RBMS3: variants seen among roughly 807,000 people sequenced by gnomAD.
RBMS3 encodes the protein RNA binding motif single stranded interacting protein 3.
A neutral mutation model predicts 66.8 loss-of-function variants in RBMS3; 27 were observed. That is an observed-to-expected ratio of 0.40 (90% CI 0.30 to 0.56). The LOEUF (loss-of-function observed/expected upper bound fraction) is 0.56. Among genes scored for constraint, RBMS3 ranks in the 20% least tolerant of loss-of-function variants. RBMS3 has a pLI of 0.40. For missense variants in RBMS3, 513 were observed against 549.5 expected, an observed-to-expected ratio of 0.93 and a Z score of 0.66; for synonymous variants, 188 against 183.0, an observed-to-expected ratio of 1.03 and a Z score of -0.22.
At chr3:29,926,661 T>G (rs1344955373) in intron 10 of RBMS3, 1 of 152,186 alleles carries the variant, frequency 6.6e-6, no homozygotes, top group Non-Finnish European at 1.5e-5. Context: ...CTCACAGTCC[T>G]GAGTCCTAGT....
chr3:29,420,952 A>AAAC, intron 1 of RBMS3, among the ~76,000 whole-genome samples: 1 of 140,900 alleles, frequency 7.1e-6, no homozygotes, highest in Non-Finnish European at 1.6e-5. Context: ...AAAATGAAAA[A>AAAC]AAAAAAAAAA....
At chr3:29,572,021 AT>A (rs2046969302) in intron 3 of RBMS3, among the ~76,000 whole-genome samples, 3 of 151,660 alleles carry the variant, frequency 2.0e-5, no homozygotes, top group Non-Finnish European at 4.4e-5. Context: ...TAAGTATTTA[AT>A]TTTATTTTTG....
intron 1 of RBMS3, among the ~76,000 whole-genome samples, chr3:29,432,333 G>A (rs2041239399): frequency 6.6e-6 from 1 of 152,168 alleles, no homozygotes; most frequent in Non-Finnish European, 1.5e-5. Flanking sequence ...TGGCTGGTGT[G>A]GGGAATTGGG....
chr3:29,439,813 G>A (rs781443701), intron 2 of RBMS3, among the ~76,000 whole-genome samples: 1 of 151,890 alleles, frequency 6.6e-6, no homozygotes, highest in Non-Finnish European at 1.5e-5. Flanking sequence ...CAATTAAATG[G>A]CTGTAATATT....
chr3:29,284,151 A>G (rs1335062312), intron 1 of RBMS3, among the ~76,000 whole-genome samples: 5 of 152,060 alleles, frequency 3.3e-5, no homozygotes, highest in Admixed American at 6.6e-5. Flanking sequence ...CATAAAATCC[A>G]CTCTTTGTAG....
At chr3:29,488,536 T>C (rs1559404441) in intron 3 of RBMS3, 37 bp downstream of exon 3, 1 of 1,558,270 alleles carries the variant, frequency 6.4e-7, no homozygotes, top group Non-Finnish European at 8.8e-7. Flanking sequence ...AAATCTTGCC[T>C]ATGCTATCTG....
Position 29,593,520 on chromosome 3 carries a change from G to A in RBMS3, c.399+6315G>A, listed in dbSNP as rs937609507. ...AGAGTTGTTTCCTGAGACTGGGTGGGAAACAATCAATACTTTATATAGTGA... is the reference window on the plus strand; with the variant it reads ...AGAGTTGTTTCCTGAGACTGGGTGGAAAACAATCAATACTTTATATAGTGA... On this transcript the variant is annotated intron_variant, in intron 4 of 14. Transcript: ENST00000383767. Among the ~76,000 whole-genome samples the A allele has an allele frequency of 2.0e-5, 3 of 147,474 alleles. No individual in the cohort carries two copies. In the South Asian group the frequency reaches 6.9e-4, roughly 34 times the overall value.
intron 12 of RBMS3, among the ~76,000 whole-genome samples, chr3:29,975,716 G>A (rs780643799): frequency 8.8e-4 from 134 of 151,698 alleles, no homozygotes; most frequent in Non-Finnish European, 1.4e-3. Context: ...ATGACACTAA[G>A]CACACTATCT....
At chr3:29,367,811 A>G (rs1243423439) in intron 1 of RBMS3, among the ~76,000 whole-genome samples, 3 of 152,182 alleles carry the variant, frequency 2.0e-5, no homozygotes, top group African/African-American at 4.8e-5. Flanking sequence ...TAAGACAGTA[A>G]TGCACTTTCT....
At chr3:29,605,737 T>C (rs909808248) in intron 4 of RBMS3, among the ~76,000 whole-genome samples, 2 of 151,782 alleles carry the variant, frequency 1.3e-5, no homozygotes, top group African/African-American at 4.8e-5. Context: ...GACCCTTTTT[T>C]AATATTCTCC....
intron 3 of RBMS3, among the ~76,000 whole-genome samples, chr3:29,572,516 C>T (rs1251038454): frequency 1.3e-5 from 2 of 152,082 alleles, no homozygotes; most frequent in Non-Finnish European, 2.9e-5. Context: ...CAGCATCAAT[C>T]AAAATGATCA....
intron 4 of RBMS3, among the ~76,000 whole-genome samples, chr3:29,727,673 G>A (rs942606051): frequency 2.0e-5 from 3 of 152,182 alleles, no homozygotes; most frequent in Non-Finnish European, 2.9e-5. Context: ...TCTCATGCCA[G>A]TTAGAATGGC....
chr3:29,432,063 C>T (rs2041228691), intron 1 of RBMS3, among the ~76,000 whole-genome samples: 1 of 152,014 alleles, frequency 6.6e-6, no homozygotes. Flanking sequence ...ACCCTGCCTT[C>T]CCAAAAATAA....
chr3:29,982,379 T>C (rs758519982), intron 12 of RBMS3, among the ~76,000 whole-genome samples: 2 of 152,312 alleles, frequency 1.3e-5, no homozygotes, highest in South Asian at 2.1e-4. Flanking sequence ...CCTGGATTCA[T>C]TGATTTTTTG....
chr3:29,932,990 G>A (rs1436240502), intron 10 of RBMS3, among the ~76,000 whole-genome samples: 1 of 152,138 alleles, frequency 6.6e-6, no homozygotes, highest in Non-Finnish European at 1.5e-5. Context: ...GTATTTTTTA[G>A]TGGAATTATA....
At chr3:29,341,837 A>G (rs1435495732) in intron 1 of RBMS3, among the ~76,000 whole-genome samples, 1 of 152,226 alleles carries the variant, frequency 6.6e-6, no homozygotes, top group African/African-American at 2.4e-5. Context: ...AACAAGGAAG[A>G]CAAACTAAAG....
At chr3:29,741,246 T>G (rs984868479) in intron 5 of RBMS3, among the ~76,000 whole-genome samples, 2 of 152,164 alleles carry the variant, frequency 1.3e-5, no homozygotes, top group African/African-American at 4.8e-5. Context: ...TGCTTGATGA[T>G]TTGAATAGAA....
intron 1 of RBMS3, among the ~76,000 whole-genome samples, chr3:29,329,424 G>A (rs2035522829): frequency 6.6e-6 from 1 of 152,054 alleles, no homozygotes; most frequent in South Asian, 2.1e-4. Context: ...AATCACAGGA[G>A]AGTCTATAGT....
At chr3:29,661,874 T>C (rs2371700) in intron 4 of RBMS3, among the ~76,000 whole-genome samples, 5,397 of 152,192 alleles carry the variant, frequency 0.035, 212 homozygotes, top group African/African-American at 0.09. Flanking sequence ...CCCAACTTAG[T>C]GAAGGTGGAT....
Sources: gnomAD v4.1 joint callset for allele counts (sites outside exome capture counted in the v4.1 genomes callset) on GRCh38, gnomAD v4.1.1 for gene constraint, MANE v1.5 for transcripts, NCBI Gene and HGNC (gene_info 2026-07-23, HGNC 2026-07-21) for gene names.